RIC1: variants seen among roughly 807,000 people sequenced by gnomAD.
The protein encoded by RIC1 is RIC1 partner of RAB6A GEF complex, also known as guanine nucleotide exchange factor subunit RIC1.
Under a neutral mutation model 169.0 loss-of-function variants are expected in RIC1, and 88 were observed. The observed-to-expected ratio is 0.52, with a 90% confidence interval of 0.44 to 0.62. The LOEUF (loss-of-function observed/expected upper bound fraction) is 0.62. Ranked by LOEUF, RIC1 falls within the 20% of genes least tolerant of loss-of-function variation. The pLI is 0.00. For synonymous variants in RIC1, 790 were observed against 601.5 expected, an observed-to-expected ratio of 1.31 and a Z score of -4.59; for missense variants, 1,877 against 1,725.5, an observed-to-expected ratio of 1.09 and a Z score of -1.56.
At chr9:5,680,493 C>A (rs900677654) in intron 2 of RIC1, among the ~76,000 whole-genome samples, 1 of 152,114 alleles carries the variant, frequency 6.6e-6, no homozygotes, top group Non-Finnish European at 1.5e-5. Flanking sequence ...GGTTGGTAAG[C>A]TATTAATTAT....
At chr9:5,711,796 A>G (rs948233713) in intron 3 of RIC1, among the ~76,000 whole-genome samples, 7 of 152,158 alleles carry the variant, frequency 4.6e-5, no homozygotes, top group African/African-American at 9.6e-5. Flanking sequence ...TCATTGTTCA[A>G]TTCCCACCTA....
At chr9:5,769,298 T>G in intron 22 of RIC1, 42 bp downstream of exon 22, 2 of 1,613,848 alleles carry the variant, frequency 1.2e-6, no homozygotes, top group Non-Finnish European at 1.7e-6. Flanking sequence ...AGAATTGTAT[T>G]TTACTCCGTG....
At chr9:5,764,162 A>G (rs1826525006) in intron 19 of RIC1, among the ~76,000 whole-genome samples, 1 of 152,236 alleles carries the variant, frequency 6.6e-6, no homozygotes, top group African/African-American at 2.4e-5. Context: ...GAATACATGT[A>G]ATAGGAACAT....
chr9:5,640,793 C>A (rs774549194), intron 1 of RIC1, among the ~76,000 whole-genome samples: 4 of 152,128 alleles, frequency 2.6e-5, no homozygotes, highest in African/African-American at 9.7e-5. Context: ...TGTTGATGAA[C>A]TCTCTCAGCA....
chr9:5,670,159 C>G (rs764220549), intron 2 of RIC1, among the ~76,000 whole-genome samples: 3 of 152,196 alleles, frequency 2.0e-5, no homozygotes, highest in Non-Finnish European at 4.4e-5. Context: ...TGAGCCCCTT[C>G]TGCAGCTTCT....
At chr9:5,701,085 G>A (rs1822187589) in intron 3 of RIC1, among the ~76,000 whole-genome samples, 3 of 152,042 alleles carry the variant, frequency 2.0e-5, no homozygotes, top group Admixed American at 2.0e-4. Flanking sequence ...TAAGTTGGCT[G>A]GGTTCTATTT....
rs139767283 is a variant in RIC1 at position 5,744,779 on chromosome 9, T to C, written c.1095+1042T>C. 4.9e-4 allele frequency among the ~76,000 whole-genome samples: 74 copies of C among 152,252 alleles called. 1 individual carries two copies. The East Asian group carries it at 0.013, about 27-fold the overall frequency. The stretch of plus-strand genomic sequence containing the variant: ...GGAGGCTTAACCTGTATTTTTATTT[T>C]TTACCTATTTTCAAGAGTTTCTGTA... On this transcript the variant is annotated intron_variant, in intron 10 of 25. Transcript: ENST00000414202.
intron 2 of RIC1, among the ~76,000 whole-genome samples, chr9:5,681,313 C>A (rs1334763132): frequency 6.6e-6 from 1 of 152,072 alleles, no homozygotes; most frequent in African/African-American, 2.4e-5. Flanking sequence ...CTATAAAATT[C>A]CCTCTACGCA....
chr9:5,720,313 A>G lies in RIC1; in HGVS notation c.572A>G (p.Gln191Arg). 1.2e-6 allele frequency: 2 copies of G among 1,612,686 alleles called. No individual in the cohort carries two copies. Among genetic ancestry groups the G allele is most frequent in the South Asian group, 1.1e-5 (1 of 90,698 alleles). Residue 191 changes from glutamine to arginine, a missense_variant, in exon 5 of 26, where the codon CAG (glutamine) becomes CGG (arginine). This residue lies in a region of RIC1 where 1,104 missense variants were observed against 992.0 expected (regional missense o/e 1.11). Transcript: ENST00000414202. ...LCTVPFSVDL[Q>R]SSRVGSFLGF... is the part of the protein sequence containing the mutation. ...ACAGTACCCTTTTCAGTAGACCTGCAGTCATCTAGAGGTAGCTATACTTTC... is the reference window on the plus strand; with the variant it reads ...ACAGTACCCTTTTCAGTAGACCTGCGGTCATCTAGAGGTAGCTATACTTTC...
intron 2 of RIC1, among the ~76,000 whole-genome samples, chr9:5,688,471 T>C (rs148558033): frequency 6.6e-6 from 1 of 152,344 alleles, no homozygotes; most frequent in African/African-American, 2.4e-5. Context: ...TGTTTTTTTA[T>C]GTGTGAAACC....
intron 1 of RIC1, among the ~76,000 whole-genome samples, chr9:5,630,075 G>T (rs1388609224): frequency 6.6e-6 from 1 of 152,188 alleles, no homozygotes; most frequent in Non-Finnish European, 1.5e-5. Context: ...GGAATAGGGG[G>T]TTAAAGGAGC....
At chr9:5,718,123 G>C (rs939228412) in intron 4 of RIC1, among the ~76,000 whole-genome samples, 4 of 94,908 alleles carry the variant, frequency 4.2e-5, no homozygotes, top group Non-Finnish European at 7.5e-5. Context: ...TTGGGCAACA[G>C]AGCAAGACTC....
chr9:5,733,022 G>C (rs1439294497), intron 7 of RIC1, among the ~76,000 whole-genome samples: 2 of 152,002 alleles, frequency 1.3e-5, no homozygotes, highest in Non-Finnish European at 1.5e-5. Context: ...TGATACATTA[G>C]AAAACAAAGA....
intron 3 of RIC1, among the ~76,000 whole-genome samples, chr9:5,703,408 C>A (rs145687355): frequency 6.6e-6 from 1 of 152,192 alleles, no homozygotes; most frequent in South Asian, 2.1e-4. Context: ...ACAACTATCA[C>A]AATTACCTAG....
At chr9:5,639,693 T>G (rs956789058) in intron 1 of RIC1, among the ~76,000 whole-genome samples, 16 of 152,222 alleles carry the variant, frequency 1.1e-4, no homozygotes, top group African/African-American at 3.9e-4. Flanking sequence ...TGTTGAAGTC[T>G]CCAGCTATCA....
chr9:5,701,804 A>C (rs909838676), intron 3 of RIC1, among the ~76,000 whole-genome samples: 5 of 152,160 alleles, frequency 3.3e-5, no homozygotes, highest in Non-Finnish European at 7.3e-5. Context: ...AAACCATCAT[A>C]ATTAAAATAT....
chr9:5,665,552 G>C (rs570446627), intron 2 of RIC1, among the ~76,000 whole-genome samples: 2 of 152,264 alleles, frequency 1.3e-5, no homozygotes, highest in African/African-American at 4.8e-5. Flanking sequence ...TTTTTGCATT[G>C]ATTAATTTCT....
At position 5,750,494 on chromosome 9, in the gene RIC1, G is replaced by A. The variant is rs575749923; in HGVS notation, c.1453-2706G>A. On this transcript the variant is annotated intron_variant, in intron 12 of 25. Transcript: ENST00000414202. ...ACTGTCTTCCTACAGTATGTATCAAGTGTACCAGGTATTTGGCACAGAACA... is the reference window on the plus strand; with the variant it reads ...ACTGTCTTCCTACAGTATGTATCAAATGTACCAGGTATTTGGCACAGAACA... Among the ~76,000 whole-genome samples the A allele has an allele frequency of 1.6e-4, 25 of 151,972 alleles. 1 individual carries two copies. In the South Asian group the frequency reaches 5.2e-3, roughly 32 times the overall value.
At chr9:5,724,979 T>C (rs1452726163) in intron 6 of RIC1, among the ~76,000 whole-genome samples, 2 of 152,250 alleles carry the variant, frequency 1.3e-5, no homozygotes, top group African/African-American at 2.4e-5. Context: ...TTGAGGATTT[T>C]TGCATCATTG....
Sources: gnomAD v4.1 joint callset for allele counts (sites outside exome capture counted in the v4.1 genomes callset) on GRCh38, gnomAD v4.1.1 for gene constraint, gnomAD v4.1.1 regional missense constraint, MANE v1.5 for transcripts, NCBI Gene and HGNC (gene_info 2026-07-23, HGNC 2026-07-21) for gene names.